KIF6: variants seen among roughly 807,000 people sequenced by gnomAD.
KIF6 encodes the protein kinesin-like protein KIF6.
A neutral mutation model predicts 112.7 loss-of-function variants in KIF6; 106 were observed. That is an observed-to-expected ratio of 0.94 (90% CI 0.80 to 1.11). The LOEUF (loss-of-function observed/expected upper bound fraction) is 1.11, where lower values mean the gene tolerates loss of function less well. Among genes scored for constraint, KIF6 ranks in the 50% least tolerant of loss-of-function variants. The pLI is 0.00. For missense variants in KIF6, 929 were observed against 964.0 expected (o/e 0.96, Z 0.48); for synonymous variants, 339 against 339.9 (o/e 1.00, Z 0.03).
intron 7 of KIF6, among the ~76,000 whole-genome samples, chr6:39,594,923 A>G (rs1782166724): frequency 6.6e-6 from 1 of 152,146 alleles, no homozygotes; most frequent in African/African-American, 2.4e-5. Context: ...AAAAAGCTAA[A>G]TGGAACTTGA....
intron 15 of KIF6, among the ~76,000 whole-genome samples, chr6:39,388,644 T>C (rs1767619212): frequency 6.6e-6 from 1 of 152,220 alleles, no homozygotes; most frequent in African/African-American, 2.4e-5. Context: ...CTCTGTAACC[T>C]GCTGGATCTT....
chr6:39,697,974 G>C (rs1788653400), intron 3 of KIF6, among the ~76,000 whole-genome samples: 1 of 152,040 alleles, frequency 6.6e-6, no homozygotes. Flanking sequence ...ACCTTACATT[G>C]TTTACTCATA....
chr6:39,652,485 C>T (rs1785528951), intron 3 of KIF6, among the ~76,000 whole-genome samples: 1 of 151,486 alleles, frequency 6.6e-6, no homozygotes, highest in African/African-American at 2.4e-5. Flanking sequence ...TGAGATCGCA[C>T]CATTGTACTC....
rs1219418631 is a variant in KIF6, at chr6:39,458,264, CA to C, written c.1646-27104del. 4.6e-4 allele frequency among the ~76,000 whole-genome samples: 69 copies of C among 150,874 alleles called. 2 individuals are homozygous for C. Among genetic ancestry groups the C allele is most frequent in the Middle Eastern group, 6.8e-3 (2 of 294 alleles). On this transcript the variant is annotated intron_variant, in intron 13 of 22. Transcript: ENST00000287152. ...TCCAGCATATAAACAGAGTCAAAGA[CA>C]AAAACCACATGATTATCTCAATAGA...
chr6:39,380,694 A>G (rs150595304), intron 16 of KIF6, among the ~76,000 whole-genome samples: 11 of 152,158 alleles, frequency 7.2e-5, no homozygotes, highest in African/African-American at 2.6e-4. Context: ...TGGTGTAAAT[A>G]TTTCCAGCAT....
intron 4 of KIF6, among the ~76,000 whole-genome samples, chr6:39,636,326 C>T (rs1330112575): frequency 2.6e-5 from 4 of 152,012 alleles, no homozygotes; most frequent in Non-Finnish European, 5.9e-5. Flanking sequence ...TAAAAACACT[C>T]AAGCTACAGC....
At chr6:39,527,533 C>T (rs1418737531) in intron 13 of KIF6, among the ~76,000 whole-genome samples, 3 of 152,130 alleles carry the variant, frequency 2.0e-5, no homozygotes, top group Non-Finnish European at 4.4e-5. Flanking sequence ...AAAAAAATCC[C>T]CTGGCTTGGC....
intron 22 of KIF6, among the ~76,000 whole-genome samples, chr6:39,339,411 C>T (rs1435229666): frequency 6.6e-6 from 1 of 152,068 alleles, no homozygotes; most frequent in Admixed American, 6.5e-5. Context: ...TCCGCCTTTT[C>T]CCTCCCAGCT....
chr6:39,406,284 A>G lies in KIF6; in HGVS notation c.1810+13664T>C, dbSNP rs139000304. On this transcript the variant is annotated intron_variant, in intron 15 of 22. Transcript: ENST00000287152. ...CAGCCTCCCATAGTGCTGGGATTAC[A>G]GGCCTGAGCCAGCTTGCTAGGCTGA... is the stretch of plus-strand genomic sequence containing the variant. Among the ~76,000 whole-genome samples the G allele has an allele frequency of 1.2e-3, 178 of 152,332 alleles. 1 individual carries two copies. Among genetic ancestry groups the G allele is most frequent in the Admixed American group, 2.2e-3 (34 of 15,300 alleles).
At chr6:39,405,821 T>C (rs1769051801) in intron 15 of KIF6, among the ~76,000 whole-genome samples, 1 of 152,340 alleles carries the variant, frequency 6.6e-6, no homozygotes, top group African/African-American at 2.4e-5. Flanking sequence ...GCCTTCATTC[T>C]TTTTGGGAGA....
At chr6:39,590,755 T>C (rs1381491959) in intron 7 of KIF6, among the ~76,000 whole-genome samples, 1 of 152,102 alleles carries the variant, frequency 6.6e-6, no homozygotes, top group Non-Finnish European at 1.5e-5. Flanking sequence ...CCAACCCCTG[T>C]TGATATTAAA....
chr6:39,424,170 C>T (rs1770591904), intron 14 of KIF6, among the ~76,000 whole-genome samples: 1 of 152,212 alleles, frequency 6.6e-6, no homozygotes, highest in Non-Finnish European at 1.5e-5. Context: ...TGTCTCTCAT[C>T]TTGGGGACGT....
chr6:39,623,642 C>T (rs1209862439), intron 5 of KIF6, among the ~76,000 whole-genome samples: 2 of 152,026 alleles, frequency 1.3e-5, no homozygotes, highest in Non-Finnish European at 2.9e-5. Context: ...GTCTGAATAC[C>T]ATCAGTCTTA....
At chr6:39,376,323 C>A (rs775679779) in intron 16 of KIF6, among the ~76,000 whole-genome samples, 28 of 152,170 alleles carry the variant, frequency 1.8e-4, no homozygotes, top group African/African-American at 6.0e-4. Flanking sequence ...GTGTTTTCTG[C>A]ATGTCTGAAG....
chr6:39,373,240 C>A (rs558895263), intron 16 of KIF6, among the ~76,000 whole-genome samples: 1 of 152,318 alleles, frequency 6.6e-6, no homozygotes, highest in African/African-American at 2.4e-5. Flanking sequence ...ACAAGATCAT[C>A]TGGGTTCAGC....
chr6:39,346,088 C>CCTCTCCCTCCCCCCCTCCCTCTCCCTCT (rs1562112910), intron 20 of KIF6, among the ~76,000 whole-genome samples: 1 of 34,486 alleles, frequency 2.9e-5, no homozygotes, highest in African/African-American at 1.6e-4. Flanking sequence ...CTCTCTCTCC[C>CCTCTCCCTCCCCCCCTCCCTCTCCCTCT]CCCCCTCTCC....
At chr6:39,527,098 T>C (rs868461233) in intron 13 of KIF6, among the ~76,000 whole-genome samples, 3 of 152,220 alleles carry the variant, frequency 2.0e-5, no homozygotes, top group African/African-American at 4.8e-5. Context: ...GTAAGCAGTT[T>C]GTAAAGGCTT....
chr6:39,509,161 C>G (rs893224919), intron 13 of KIF6, among the ~76,000 whole-genome samples: 1 of 152,162 alleles, frequency 6.6e-6, no homozygotes, highest in Non-Finnish European at 1.5e-5. Flanking sequence ...GGAAAACTAA[C>G]AAACAGAAAG....
intron 6 of KIF6, among the ~76,000 whole-genome samples, chr6:39,602,147 C>A (rs1039970022): frequency 6.6e-6 from 1 of 152,018 alleles, no homozygotes; most frequent in Non-Finnish European, 1.5e-5. Context: ...GCTTACTGAC[C>A]ATTATTTAAT....
Sources: gnomAD v4.1 joint callset for allele counts (sites outside exome capture counted in the v4.1 genomes callset) on GRCh38, gnomAD v4.1.1 for gene constraint, MANE v1.5 for transcripts, NCBI Gene and HGNC (gene_info 2026-07-23, HGNC 2026-07-21) for gene names.